BCAS3: variants seen among roughly 807,000 people sequenced by gnomAD.
BCAS3 encodes the protein BCAS3 microtubule associated cell migration factor.
BCAS3 carries 53 observed loss-of-function variants against 116.1 expected under a neutral mutation model. That is an observed-to-expected ratio of 0.46 (90% CI 0.37 to 0.57). The LOEUF (loss-of-function observed/expected upper bound fraction) is 0.57, where lower values mean the gene tolerates loss of function less well. Among genes scored for constraint, BCAS3 ranks in the 20% least tolerant of loss-of-function variants. The pLI is 0.00. For synonymous variants in BCAS3, 391 were observed against 408.2 expected (o/e 0.96, Z 0.51); for missense variants, 917 against 1,165.4 (o/e 0.79, Z 3.10).
chr17:61,173,021 T>C (rs1401413802), intron 22 of BCAS3, among the ~76,000 whole-genome samples: 1 of 149,740 alleles, frequency 6.7e-6, no homozygotes, highest in Non-Finnish European at 1.5e-5. Context: ...ATTTAAGTCA[T>C]ACAAAGTGTC....
rs752367036 is a variant in BCAS3 at position 61,134,297 on chromosome 17, G to C, written c.2425+49733G>C. Among the ~76,000 whole-genome samples, 6 of 152,120 alleles carry C rather than the reference G, an allele frequency of 3.9e-5. No individual in the cohort carries two copies. The highest frequency in any genetic ancestry group is 2.0e-4 in the Admixed American group (3 of 15,276). ...TGATTTTTTAAAAATCAACTGTTAG[G>C]CACTGTGCTCAGACTTTATGAGCAT... On this transcript the variant is annotated intron_variant, in intron 22 of 23. Coordinates refer to ENST00000407086, the MANE Select transcript of BCAS3 (RefSeq NM_017679.5). This position sits in a 1 kb window ranked among gnomAD's most constrained non-coding sequence, Gnocchi z 4.6.
chr17:61,292,623 C>T (rs2052537304), intron 22 of BCAS3, among the ~76,000 whole-genome samples: 1 of 152,040 alleles, frequency 6.6e-6, no homozygotes, highest in South Asian at 2.1e-4. Flanking sequence ...TGCACTCCAG[C>T]CTGGGTGACA....
At chr17:61,322,081 G>A (rs992579465) in intron 22 of BCAS3, among the ~76,000 whole-genome samples, 2 of 151,956 alleles carry the variant, frequency 1.3e-5, no homozygotes, top group African/African-American at 4.8e-5. Context: ...TTACAGGCAT[G>A]CACCACCACG....
At chr17:60,834,275 T>C (rs888302803) in intron 7 of BCAS3, among the ~76,000 whole-genome samples, 3 of 152,044 alleles carry the variant, frequency 2.0e-5, no homozygotes, top group Non-Finnish European at 4.4e-5. Flanking sequence ...AGCAAAAGCT[T>C]AGATTTTTCT....
Position 61,177,156 on chromosome 17 carries a change from C to T in BCAS3, c.2425+92592C>T, listed in dbSNP as rs532481296. ...AAAACTCCTTGCTAGTTTCTTAAAA[C>T]ATTAAACATGCACTTATCATATGAT... is the stretch of plus-strand genomic sequence containing the variant. On this transcript the variant is annotated intron_variant, in intron 22 of 23. Transcript: ENST00000407086. Among the ~76,000 whole-genome samples, 17 of 152,260 alleles carry T rather than the reference C, an allele frequency of 1.1e-4. No homozygotes were observed. The South Asian group carries it at 2.7e-3, about 24-fold the overall frequency.
At chr17:61,267,734 A>G in intron 22 of BCAS3, among the ~76,000 whole-genome samples, 1 of 151,782 alleles carries the variant, frequency 6.6e-6, no homozygotes, top group African/African-American at 2.4e-5. Flanking sequence ...GAAAAAAAAA[A>G]AAAGAAAAGA....
In BCAS3 at chr17:61,068,786, C is replaced by T. The variant is rs1196092297; in HGVS notation, c.2030-6134C>T. On this transcript the variant is annotated intron_variant, in intron 19 of 23. Coordinates refer to ENST00000407086, the MANE Select transcript of BCAS3 (RefSeq NM_017679.5). The surrounding 1 kb of genome is among the most constrained non-coding windows in gnomAD (Gnocchi z 4.3). ...GTCTCTGCCAGTCTCGCTCCAATCT[C>T]AGGGTATCATTCCTAATATTTGAGT... Among the ~76,000 whole-genome samples, 1 of 152,188 alleles carries T rather than the reference C, an allele frequency of 6.6e-6. No individual in the cohort carries two copies. Among genetic ancestry groups the T allele is most frequent in the Non-Finnish European group, 1.5e-5 (1 of 68,044 alleles).
chr17:60,996,982 C>T (rs533150630), intron 15 of BCAS3, among the ~76,000 whole-genome samples: 12 of 152,066 alleles, frequency 7.9e-5, no homozygotes, highest in Non-Finnish European at 1.3e-4. Context: ...CACCAAGGAC[C>T]GGTTTTGTGG....
At chr17:60,824,387 C>T (rs1223205178) in intron 7 of BCAS3, among the ~76,000 whole-genome samples, 2 of 152,174 alleles carry the variant, frequency 1.3e-5, no homozygotes, top group African/African-American at 4.8e-5. Flanking sequence ...CACAACATTC[C>T]CAAGGGACAC....
chr17:61,183,518 T>C (rs1006058627), intron 22 of BCAS3, among the ~76,000 whole-genome samples: 3 of 152,184 alleles, frequency 2.0e-5, no homozygotes, highest in Non-Finnish European at 4.4e-5. Flanking sequence ...TTTTTCTACA[T>C]GATGTTTGTT....
chr17:60,976,509 G>A (rs2062387309), intron 14 of BCAS3, among the ~76,000 whole-genome samples: 1 of 151,746 alleles, frequency 6.6e-6, no homozygotes, highest in East Asian at 1.9e-4. Context: ...CAGGGTCATA[G>A]GACAATAGTG....
At position 61,309,648 on chromosome 17, in the gene BCAS3, A is replaced by G. The variant is rs535742925; in HGVS notation, c.2426-58679A>G. ...TTCCTGAAGCGTGTTCTCCGTCCCA[A>G]GGAAAACACACACATCCAGAAGGCA... On this transcript the variant is annotated intron_variant, in intron 22 of 23. Coordinates refer to ENST00000407086, the MANE Select transcript of BCAS3 (RefSeq NM_017679.5). This position sits in a 1 kb window ranked among gnomAD's most constrained non-coding sequence, Gnocchi z 4.6. Among the ~76,000 whole-genome samples, 12 of 152,274 alleles carry G rather than the reference A, an allele frequency of 7.9e-5. No homozygotes were observed. The South Asian group carries it at 2.5e-3, about 32-fold the overall frequency.
intron 14 of BCAS3, among the ~76,000 whole-genome samples, chr17:60,974,750 A>G (rs997062011): frequency 6.6e-6 from 1 of 152,202 alleles, no homozygotes; most frequent in African/African-American, 2.4e-5. Flanking sequence ...TTAATTAAAC[A>G]CTGTAATACT....
rs34911740 is a variant in BCAS3 at position 61,348,754 on chromosome 17, CTTTTT to C, written c.2426-19561_2426-19557del. The stretch of plus-strand genomic sequence containing the variant: ...TCTTGCAACCTCTTGGGCAGAGATT[CTTTTT>C]TTTTTTTTTTTGAAACAGAGTCTCA... On this transcript the variant is annotated intron_variant, in intron 22 of 23. Coordinates refer to ENST00000407086, the MANE Select transcript of BCAS3 (RefSeq NM_017679.5). The surrounding 1 kb of genome is among the most constrained non-coding windows in gnomAD (Gnocchi z 4.5). Among the ~76,000 whole-genome samples the C allele has an allele frequency of 7.4e-6, 1 of 134,982 alleles. No individual in the cohort carries two copies. The highest frequency in any genetic ancestry group is 2.8e-5 in the African/African-American group (1 of 36,272). The allele number at this position is 134,982 out of a possible 152,430, so 88.6% of individuals were successfully genotyped here.
chr17:61,388,020 G>C lies in BCAS3; in HGVS notation c.2594-3957G>C, dbSNP rs549994302. ...TGACCAGAATCTCCACACCTCTAAGGGGGGAGGTGGCTGGGGACACTTCCC... is the reference window on the plus strand; with the variant it reads ...TGACCAGAATCTCCACACCTCTAAGCGGGGAGGTGGCTGGGGACACTTCCC... On this transcript the variant is annotated intron_variant, in intron 23 of 23. Coordinates refer to ENST00000407086, the MANE Select transcript of BCAS3 (RefSeq NM_017679.5). This position sits in a 1 kb window ranked among gnomAD's most constrained non-coding sequence, Gnocchi z 6.5. Among the ~76,000 whole-genome samples the C allele has an allele frequency of 5.3e-5, 8 of 152,246 alleles. No homozygotes were observed. In the South Asian group the frequency reaches 6.2e-4, roughly 12 times the overall value.
Position 61,015,771 on chromosome 17 carries a change from T to C in BCAS3, c.1507T>C (p.Ser503Pro). 1 of 1,614,016 alleles carries C rather than the reference T, an allele frequency of 6.2e-7. No homozygotes were observed. Among genetic ancestry groups the C allele is most frequent in the Non-Finnish European group, 8.5e-7 (1 of 1,179,946 alleles). ...PLHGKLNSQD[S>P]YNNFTNNNPG... ...TGTAGGGAAACTGAACAGCCAAGAC[T>C]CCTATAACAATTTTACCAACAACAA... Residue 503 changes from serine to proline, a missense_variant, in exon 16 of 24, where the codon TCC becomes CCC. Ser to Pro is a moderately conservative substitution (Grantham distance 74). This residue lies in a region of BCAS3 where 807 missense variants were observed against 1,026.0 expected (regional missense o/e 0.79). Coordinates refer to ENST00000407086, the MANE Select transcript of BCAS3 (RefSeq NM_017679.5).
chr17:61,034,142 C>T lies in BCAS3; in HGVS notation c.1638-524C>T, dbSNP rs554477744. ...GTCTAACTCTCCATAGCATTGTGGC[C>T]GAGAGAGCATTTTCAAGGCTTCATT... On this transcript the variant is annotated intron_variant, in intron 16 of 23. Coordinates refer to ENST00000407086, the MANE Select transcript of BCAS3 (RefSeq NM_017679.5). The surrounding 1 kb of genome is among the most constrained non-coding windows in gnomAD (Gnocchi z 5.0). Among the ~76,000 whole-genome samples the T allele has an allele frequency of 1.3e-5, 2 of 152,228 alleles. No homozygotes were observed. Among genetic ancestry groups the T allele is most frequent in the East Asian group, 3.9e-4 (2 of 5,174 alleles).
chr17:60,915,565 GACA>G (rs1191998634), intron 12 of BCAS3, among the ~76,000 whole-genome samples: 2 of 151,462 alleles, frequency 1.3e-5, no homozygotes, highest in African/African-American at 2.4e-5. Context: ...TTATGACTCT[GACA>G]ACGTTATGCA....
At position 61,286,247 on chromosome 17, in the gene BCAS3, G is replaced by C. The variant is rs2051764875; in HGVS notation, c.2426-82080G>C. Among the ~76,000 whole-genome samples, 1 of 152,196 alleles carries C rather than the reference G, an allele frequency of 6.6e-6. No individual in the cohort carries two copies. Among genetic ancestry groups the C allele is most frequent in the African/African-American group, 2.4e-5 (1 of 41,446 alleles). On this transcript the variant is annotated intron_variant, in intron 22 of 23. Coordinates refer to ENST00000407086, the MANE Select transcript of BCAS3 (RefSeq NM_017679.5). The surrounding 1 kb of genome is among the most constrained non-coding windows in gnomAD (Gnocchi z 4.8). ...GGGCGGGGTGCGGAGGGTCTGCGGGGGTGGGGCGCTGCCGAATATGAGACA... is the reference window on the plus strand; with the variant it reads ...GGGCGGGGTGCGGAGGGTCTGCGGGCGTGGGGCGCTGCCGAATATGAGACA...
Sources: gnomAD v4.1 joint callset for allele counts (sites outside exome capture counted in the v4.1 genomes callset) on GRCh38, gnomAD v4.1.1 for gene constraint, gnomAD v4.1.1 regional missense constraint, Gnocchi (gnomAD v3.1) non-coding constraint, MANE v1.5 for transcripts, NCBI Gene and HGNC (gene_info 2026-07-23, HGNC 2026-07-21) for gene names.